The following PRKCE variants were observed in gnomAD, a reference collection of about 807,000 sequenced individuals.
The protein encoded by PRKCE is protein kinase C epsilon type.
A neutral mutation model predicts 85.4 loss-of-function variants in PRKCE; 16 were observed. The ratio of observed to expected loss-of-function variants is 0.19; its 90% confidence interval spans 0.13 to 0.28. The LOEUF (loss-of-function observed/expected upper bound fraction) is 0.28. Ranked by LOEUF, PRKCE falls within the 10% of genes least tolerant of loss-of-function variation. PRKCE has a pLI of 1.00. For missense variants in PRKCE, 573 were observed against 975.2 expected, an observed-to-expected ratio of 0.59 and a Z score of 5.49; for synonymous variants, 388 against 371.5, an observed-to-expected ratio of 1.04 and a Z score of -0.51.
At chr2:46,097,258 C>A (rs1319285593) in intron 11 of PRKCE, among the ~76,000 whole-genome samples, 1 of 152,138 alleles carries the variant, frequency 6.6e-6, no homozygotes, top group Non-Finnish European at 1.5e-5. Context: ...GTGGCTCACA[C>A]TGGTAATCCC....
intron 1 of PRKCE, among the ~76,000 whole-genome samples, chr2:45,819,019 C>A (rs560004218): frequency 2.0e-5 from 3 of 152,212 alleles, no homozygotes; most frequent in Non-Finnish European, 2.9e-5. Flanking sequence ...CGTGGAGCCT[C>A]CTGAGACAGG....
chr2:45,660,749 T>C (rs761696342), intron 1 of PRKCE, among the ~76,000 whole-genome samples: 10 of 152,242 alleles, frequency 6.6e-5, no homozygotes, highest in Non-Finnish European at 1.5e-4. Context: ...TGGGTATATA[T>C]GGGCTTGTTA....
chr2:45,813,414 G>GC (rs1244572599), intron 1 of PRKCE, among the ~76,000 whole-genome samples: 4 of 152,220 alleles, frequency 2.6e-5, no homozygotes, highest in Admixed American at 6.5e-5. Context: ...AGCAGATGCA[G>GC]TGCTAAGGAA....
intron 1 of PRKCE, among the ~76,000 whole-genome samples, chr2:45,832,289 A>G (rs1573533670): frequency 6.8e-6 from 1 of 147,900 alleles, no homozygotes; most frequent in Admixed American, 6.7e-5. Flanking sequence ...CATTACTCTC[A>G]TTGCTCTTGT....
chr2:45,692,401 T>C (rs995751825), intron 1 of PRKCE, among the ~76,000 whole-genome samples: 1 of 152,210 alleles, frequency 6.6e-6, no homozygotes, highest in African/African-American at 2.4e-5. Flanking sequence ...CTCCCTGCTC[T>C]GCCTTTACAG....
At chr2:45,653,825 G>A (rs1675258626) in intron 1 of PRKCE, among the ~76,000 whole-genome samples, 1 of 152,186 alleles carries the variant, frequency 6.6e-6, no homozygotes, top group Non-Finnish European at 1.5e-5. Context: ...TGGAAAGCAG[G>A]CAAACCTTTA....
intron 1 of PRKCE, among the ~76,000 whole-genome samples, chr2:45,819,002 T>G (rs1422357007): frequency 6.6e-6 from 1 of 151,962 alleles, no homozygotes; most frequent in Non-Finnish European, 1.5e-5. Context: ...GGAAAAAGGA[T>G]TTGGGGCGTG....
At chr2:45,980,794 C>T (rs1702829204) in intron 5 of PRKCE, among the ~76,000 whole-genome samples, 1 of 152,048 alleles carries the variant, frequency 6.6e-6, no homozygotes, top group Non-Finnish European at 1.5e-5. Flanking sequence ...AATGAGCAAG[C>T]CCAAGGAATA....
chr2:45,669,447 G>T (rs1366202061), intron 1 of PRKCE, among the ~76,000 whole-genome samples: 5 of 152,230 alleles, frequency 3.3e-5, no homozygotes, highest in Admixed American at 6.5e-5. Context: ...TCAGTGCTGG[G>T]CTGTGTTCTC....
At chr2:45,927,351 C>T (rs1470017319) in intron 2 of PRKCE, among the ~76,000 whole-genome samples, 1 of 152,182 alleles carries the variant, frequency 6.6e-6, no homozygotes, top group Non-Finnish European at 1.5e-5. Flanking sequence ...GTGCCAGGCT[C>T]TGTGCTAAGC....
chr2:46,073,848 G>C (rs148881036), intron 10 of PRKCE: 1 of 152,266 alleles, frequency 6.6e-6, no homozygotes, highest in African/African-American at 2.4e-5. Context: ...AGTATTCCAA[G>C]TGGAGAAATA....
chr2:45,852,000 C>G (rs1283900737), intron 2 of PRKCE: 1 of 152,354 alleles, frequency 6.6e-6, no homozygotes, highest in African/African-American at 2.4e-5. Flanking sequence ...AACCACTTGC[C>G]TCCACCTGCC....
intron 2 of PRKCE, among the ~76,000 whole-genome samples, chr2:45,941,267 A>T (rs909283006): frequency 6.6e-6 from 1 of 152,078 alleles, no homozygotes; most frequent in East Asian, 1.9e-4. Context: ...CCCAGACCTC[A>T]AGAAGCCAGC....
chr2:46,120,179 C>T (rs2104320502), intron 11 of PRKCE, among the ~76,000 whole-genome samples: 1 of 152,360 alleles, frequency 6.6e-6, no homozygotes, highest in Non-Finnish European at 1.5e-5. Flanking sequence ...TGTTCAGACA[C>T]TCATCAACCA....
chr2:45,722,526 G>A (rs1352253082), intron 1 of PRKCE, among the ~76,000 whole-genome samples: 1 of 152,210 alleles, frequency 6.6e-6, no homozygotes, highest in Non-Finnish European at 1.5e-5. Context: ...TTAAACCTAG[G>A]CAGAAGAGGA....
At chr2:45,955,351 G>C (rs1700899649) in intron 2 of PRKCE, among the ~76,000 whole-genome samples, 1 of 152,156 alleles carries the variant, frequency 6.6e-6, no homozygotes, top group African/African-American at 2.4e-5. Context: ...TTTGCCAGGA[G>C]ACTGACCTGG....
intron 10 of PRKCE, among the ~76,000 whole-genome samples, chr2:46,067,579 C>G (rs953320903): frequency 1.6e-4 from 25 of 152,156 alleles, no homozygotes; most frequent in Admixed American, 1.3e-3. Flanking sequence ...TGTGTAATTT[C>G]AAGGGTGGAC....
At chr2:45,860,402 T>C (rs1048053794) in intron 2 of PRKCE, among the ~76,000 whole-genome samples, 1 of 152,172 alleles carries the variant, frequency 6.6e-6, no homozygotes, top group African/African-American at 2.4e-5. Context: ...GAATTGTGCC[T>C]TTGGGAGCTG....
chr2:45,878,456 G>A (rs938616178), intron 2 of PRKCE, among the ~76,000 whole-genome samples: 6 of 152,106 alleles, frequency 3.9e-5, no homozygotes, highest in Non-Finnish European at 5.9e-5. Context: ...TTTCACTTGC[G>A]CCTCATCTTT....
Sources: allele counts gnomAD v4.1 joint callset (sites outside exome capture counted in the v4.1 genomes callset), GRCh38; gene constraint gnomAD v4.1.1; transcripts MANE v1.5; gene names NCBI Gene and HGNC (gene_info 2026-07-23, HGNC 2026-07-21).